PPP1R12B: variants seen among roughly 807,000 people sequenced by gnomAD.
PPP1R12B encodes the protein myosin phosphatase target subunit 2.
Under a neutral mutation model 126.1 loss-of-function variants are expected in PPP1R12B, and 76 were observed. The observed-to-expected ratio is 0.60, with a 90% CI of 0.50 to 0.73. The LOEUF (loss-of-function observed/expected upper bound fraction) is 0.73, where lower values mean the gene tolerates loss of function less well. Ranked by LOEUF, PPP1R12B falls within the 30% of genes least tolerant of loss-of-function variation. The pLI, the probability that PPP1R12B is intolerant of heterozygous loss-of-function variation, is 0.00. For synonymous variants in PPP1R12B, 356 were observed against 434.7 expected (o/e 0.82, Z 2.25); for missense variants, 1,052 against 1,205.1 (o/e 0.87, Z 1.88).
At chr1:202,438,950 C>G (rs1671224607) in intron 10 of PPP1R12B, 1 of 1,535,724 alleles carries the variant, frequency 6.5e-7, no homozygotes, top group Non-Finnish European at 9.0e-7. Flanking sequence ...CGTGGACTGG[C>G]CTGACCTGGA....
At chr1:202,503,036 T>A (rs775614217) in intron 18 of PPP1R12B, 4 of 152,208 alleles carry the variant, frequency 2.6e-5, no homozygotes, top group Non-Finnish European at 5.9e-5. Context: ...TTTAAAGGAT[T>A]ACTGCCTGCT....
At chr1:202,534,483 A>G (rs1378101172) in intron 18 of PPP1R12B, among the ~76,000 whole-genome samples, 1 of 152,158 alleles carries the variant, frequency 6.6e-6, no homozygotes, top group African/African-American at 2.4e-5. Flanking sequence ...ATATACATGT[A>G]CATTTACATC....
rs1671499290 is a variant in PPP1R12B at position 202,440,760 on chromosome 1, A to G, written c.1513A>G (p.Thr505Ala). 6.2e-7 allele frequency: 1 copy of G among 1,613,920 alleles called. No homozygotes were observed. The highest frequency in any genetic ancestry group is 1.3e-5 in the African/African-American group (1 of 74,940). The change falls in exon 11 of 24, where the codon ACA becomes GCA. Residue 505 changes from threonine to alanine, a missense_variant. Physicochemically the swap from Thr to Ala is moderately conservative, Grantham distance 58. Transcript: ENST00000608999. ...SSLAPRKLNS[T>A]SDIEEKENRE... ...ACTAGCACCCCGGAAGCTCAACAGC[A>G]CAAGTGATATTGAAGAAAAGGAGAA...
rs543050799 is a variant in PPP1R12B, at chr1:202,560,209, A to G, written c.2507+1316A>G. Among the ~76,000 whole-genome samples the G allele has an allele frequency of 3.9e-5, 6 of 152,308 alleles. No homozygotes were observed. The East Asian group carries it at 9.6e-4, about 24-fold the overall frequency. ...AAAAGTTAGCAGAAGAGAATATTTT[A>G]TAATCTTTATATAGGAAAAGCCTTT... On this transcript the variant is annotated intron_variant, in intron 19 of 23. Coordinates refer to ENST00000608999, the MANE Select transcript of PPP1R12B (RefSeq NM_002481.4).
At chr1:202,374,620 T>A (rs1271408264) in intron 1 of PPP1R12B, among the ~76,000 whole-genome samples, 1 of 145,872 alleles carries the variant, frequency 6.9e-6, no homozygotes, top group Non-Finnish European at 1.5e-5. Flanking sequence ...TGCCTCAGCC[T>A]CCTGAGTAGC....
In PPP1R12B at chr1:202,495,585, A is replaced by G; in HGVS notation, c.2351A>G (p.Asp784Gly). Residue 784 changes from aspartate to glycine, a missense_variant, in exon 17 of 24, where the codon GAT (aspartate) becomes GGT (glycine). Asp to Gly is a moderately conservative substitution (Grantham distance 94). Coordinates refer to ENST00000608999, the MANE Select transcript of PPP1R12B (RefSeq NM_002481.4). ...EMDKNENEEA[D>G]LDEQSSKRLS... is the part of the protein sequence containing the mutation. Reference sequence around the variant, plus strand: ...CTCTGGCCAGAGAATGAAGAAGCAGATTTGGATGAGCAGTCCTCTAAGAGG... The same window carrying G: ...CTCTGGCCAGAGAATGAAGAAGCAGGTTTGGATGAGCAGTCCTCTAAGAGG... 6.2e-7 allele frequency: 1 copy of G among 1,614,150 alleles called. No individual in the cohort carries two copies. The highest frequency in any genetic ancestry group is 8.5e-7 in the Non-Finnish European group (1 of 1,180,016).
intron 3 of PPP1R12B, 38 bp downstream of exon 3, chr1:202,422,776 C>T (rs750182513): frequency 3.1e-6 from 5 of 1,611,462 alleles, no homozygotes; most frequent in Non-Finnish European, 4.2e-6. Context: ...GAAAGATTCT[C>T]AAACACTGCC....
chr1:202,449,087 C>T lies in PPP1R12B; in HGVS notation c.1766C>T (p.Pro589Leu), dbSNP rs1672616682. Reference sequence around the variant, plus strand: ...TGTGTGATCACCAATCGCCCTCTTCCTAGCACTGCCAATGGGGTTACAGCT... The same window carrying T: ...TGTGTGATCACCAATCGCCCTCTTCTTAGCACTGCCAATGGGGTTACAGCT... ...PLCVITNRPL[P>L]STANGVTATP... Residue 589 changes from proline to leucine, a missense_variant, in exon 13 of 24, where the codon CCT (proline) becomes CTT (leucine). Pro to Leu is a moderately conservative substitution (Grantham distance 98). Transcript: ENST00000608999. 1 of 1,613,874 alleles carries T rather than the reference C, an allele frequency of 6.2e-7. No homozygotes were observed. The highest frequency in any genetic ancestry group is 8.5e-7 in the Non-Finnish European group (1 of 1,179,822).
intron 20 of PPP1R12B, among the ~76,000 whole-genome samples, chr1:202,564,150 A>G (rs1687823887): frequency 6.6e-6 from 1 of 152,244 alleles, no homozygotes; most frequent in Non-Finnish European, 1.5e-5. Flanking sequence ...TTCCAAAAAA[A>G]AATTGTCTTT....
chr1:202,407,243 C>T (rs1471256924), intron 1 of PPP1R12B, among the ~76,000 whole-genome samples: 2 of 152,118 alleles, frequency 1.3e-5, no homozygotes, highest in Non-Finnish European at 2.9e-5. Flanking sequence ...AAGCGAAGGG[C>T]TTATTAGAAT....
At position 202,565,225 on chromosome 1, in the gene PPP1R12B, A is replaced by C. The variant is rs376544015; in HGVS notation, c.2757+678A>C. 3.9e-5 allele frequency among the ~76,000 whole-genome samples: 6 copies of C among 152,354 alleles called. No homozygotes were observed. In the East Asian group the frequency reaches 9.6e-4, roughly 24 times the overall value. ...TAATAACCTTGTCACCAGTGAAACA[A>C]ACTCCGCAGCTGAAAGCTAAAGCAA... On this transcript the variant is annotated intron_variant, in intron 21 of 23. Coordinates refer to ENST00000608999, the MANE Select transcript of PPP1R12B (RefSeq NM_002481.4). The surrounding 1 kb of genome is among the most constrained non-coding windows in gnomAD (Gnocchi z 4.3).
chr1:202,469,941 A>C (rs1315337339), intron 13 of PPP1R12B, among the ~76,000 whole-genome samples: 2 of 152,210 alleles, frequency 1.3e-5, no homozygotes, highest in African/African-American at 4.8e-5. Flanking sequence ...GTAGGAGATT[A>C]CATTTCTTAT....
intron 1 of PPP1R12B, among the ~76,000 whole-genome samples, chr1:202,375,433 C>CT (rs1661020292): frequency 3.3e-5 from 5 of 152,192 alleles, no homozygotes; most frequent in Admixed American, 2.6e-4. Context: ...ATCTCCTAGT[C>CT]TTAATACATT....
intron 18 of PPP1R12B, among the ~76,000 whole-genome samples, chr1:202,536,721 C>A (rs1177798217): frequency 2.0e-5 from 3 of 152,068 alleles, no homozygotes; most frequent in African/African-American, 7.2e-5. Context: ...CAAACACATA[C>A]AGCTGTACAA....
intron 1 of PPP1R12B, among the ~76,000 whole-genome samples, chr1:202,384,731 T>A (rs1662859148): frequency 6.6e-6 from 1 of 152,232 alleles, no homozygotes; most frequent in South Asian, 2.1e-4. Flanking sequence ...ATGAAGATGT[T>A]ATAAAAGACA....
chr1:202,416,244 A>G (rs1286032412), intron 1 of PPP1R12B, among the ~76,000 whole-genome samples: 25 of 152,166 alleles, frequency 1.6e-4, no homozygotes, highest in Non-Finnish European at 1.5e-5. Context: ...TAAGTGTCAT[A>G]AGCCGGGTGC....
chr1:202,409,738 A>G (rs554369891), intron 1 of PPP1R12B, among the ~76,000 whole-genome samples: 1 of 152,082 alleles, frequency 6.6e-6, no homozygotes, highest in Non-Finnish European at 1.5e-5. Flanking sequence ...ATCATAGCTC[A>G]CTGCAGCCTT....
intron 18 of PPP1R12B, among the ~76,000 whole-genome samples, chr1:202,498,602 T>C (rs1558303892): frequency 6.6e-6 from 1 of 152,244 alleles, no homozygotes; most frequent in Non-Finnish European, 1.5e-5. Context: ...CTAGCAGGCA[T>C]GATGCCATTA....
chr1:202,354,865 G>A (rs1350041353), intron 1 of PPP1R12B, among the ~76,000 whole-genome samples: 3 of 141,290 alleles, frequency 2.1e-5, no homozygotes, highest in Admixed American at 1.5e-4. Context: ...TTGCTCCGTC[G>A]CCCAGGCTGG....
Sources: allele counts gnomAD v4.1 joint callset (sites outside exome capture counted in the v4.1 genomes callset), GRCh38; gene constraint gnomAD v4.1.1; non-coding constraint Gnocchi (gnomAD v3.1); transcripts MANE v1.5; gene names NCBI Gene and HGNC (gene_info 2026-07-23, HGNC 2026-07-21).